The following CNTN5 variants were observed in gnomAD, a reference collection of about 807,000 sequenced individuals.
CNTN5 encodes contactin 5, also known as contactin-5.
CNTN5 carries 77 observed loss-of-function variants against 129.1 expected under a neutral mutation model. The observed-to-expected ratio is 0.60, with a 90% CI of 0.50 to 0.72. CNTN5 has a LOEUF of 0.72. Ranked by LOEUF, CNTN5 falls within the 30% of genes least tolerant of loss-of-function variation. The pLI is 0.00. For missense variants in CNTN5, 1,478 were observed against 1,328.8 expected (o/e 1.11, Z -1.75); for synonymous variants, 509 against 465.6 (o/e 1.09, Z -1.20).
At chr11:99,526,782 T>A (rs1214247060) in intron 2 of CNTN5, among the ~76,000 whole-genome samples, 1 of 152,242 alleles carries the variant, frequency 6.6e-6, no homozygotes, top group East Asian at 1.9e-4. Context: ...TGTGTACATT[T>A]GTTTTCATTT....
intron 1 of CNTN5, among the ~76,000 whole-genome samples, chr11:99,131,197 G>A (rs1858915266): frequency 7.9e-6 from 1 of 126,240 alleles, no homozygotes; most frequent in African/African-American, 3.1e-5. Flanking sequence ...GCAGTGAGCT[G>A]AGATTGCACC....
intron 1 of CNTN5, among the ~76,000 whole-genome samples, chr11:99,097,685 A>G (rs907966914): frequency 4.6e-5 from 7 of 151,904 alleles, no homozygotes; most frequent in African/African-American, 1.7e-4. Context: ...TTAAGCCATT[A>G]TTGATACAAT....
At chr11:99,474,848 TA>T (rs1380387286) in intron 2 of CNTN5, among the ~76,000 whole-genome samples, 1 of 152,162 alleles carries the variant, frequency 6.6e-6, no homozygotes, top group East Asian at 1.9e-4. Flanking sequence ...GTTTCCGGAA[TA>T]AAACAATATT....
At chr11:99,884,313 G>T (rs1948843222) in intron 6 of CNTN5, among the ~76,000 whole-genome samples, 1 of 151,994 alleles carries the variant, frequency 6.6e-6, no homozygotes, top group Non-Finnish European at 1.5e-5. Context: ...TGTAGATACG[G>T]AATATAACAT....
Position 99,843,755 on chromosome 11 carries a change from G to A in CNTN5, c.278-1097G>A, listed in dbSNP as rs188450443. On this transcript the variant is annotated intron_variant, in intron 4 of 24. Coordinates refer to ENST00000524871, the MANE Select transcript of CNTN5 (RefSeq NM_014361.4). ...ATTCTACAATGCACAGGACAGCCCC[G>A]CCTCAACAGAAAGATCTGTCCCAAA... 1.5e-4 allele frequency among the ~76,000 whole-genome samples: 23 copies of A among 152,160 alleles called. 1 individual carries two copies. Among genetic ancestry groups the A allele is most frequent in the Admixed American group, 3.9e-4 (6 of 15,284 alleles).
At chr11:99,625,736 T>C (rs1163252437) in intron 3 of CNTN5, among the ~76,000 whole-genome samples, 1 of 151,450 alleles carries the variant, frequency 6.6e-6, no homozygotes, top group African/African-American at 2.4e-5. Context: ...TCAGGTGAGG[T>C]AATGAAACTA....
At chr11:99,741,511 G>A (rs532909212) in intron 3 of CNTN5, among the ~76,000 whole-genome samples, 50 of 152,208 alleles carry the variant, frequency 3.3e-4, no homozygotes, top group African/African-American at 1.2e-3. Flanking sequence ...AACTTCAAAT[G>A]TAGTTTTCAA....
At chr11:99,343,604 C>A (rs573482113) in intron 2 of CNTN5, among the ~76,000 whole-genome samples, 2 of 152,230 alleles carry the variant, frequency 1.3e-5, no homozygotes, top group South Asian at 4.1e-4. Flanking sequence ...TGTTATACGT[C>A]GATCTCTGTA....
At chr11:99,998,222 T>C in intron 8 of CNTN5, among the ~76,000 whole-genome samples, 1 of 152,044 alleles carries the variant, frequency 6.6e-6, no homozygotes, top group African/African-American at 2.4e-5. Flanking sequence ...ATTGTCCCTG[T>C]TTGCAGACGA....
At chr11:100,284,044 G>A (rs139217154) in intron 18 of CNTN5, among the ~76,000 whole-genome samples, 2,076 of 152,214 alleles carry the variant, frequency 0.014, 15 homozygotes, top group Non-Finnish European at 0.02. Flanking sequence ...ATAACCAAGC[G>A]ACACTGAATT....
chr11:99,841,057 G>C (rs889384799), intron 4 of CNTN5, among the ~76,000 whole-genome samples: 1 of 152,050 alleles, frequency 6.6e-6, no homozygotes, highest in Non-Finnish European at 1.5e-5. Context: ...GATGAAAAAA[G>C]GAAGGGAAGG....
intron 3 of CNTN5, among the ~76,000 whole-genome samples, chr11:99,802,429 A>AG (rs1253050187): frequency 3.9e-5 from 6 of 152,180 alleles, no homozygotes; most frequent in Non-Finnish European, 8.8e-5. Flanking sequence ...ATGGCAGGCA[A>AG]GGGACTGCCA....
At chr11:99,889,069 A>G (rs1212770661) in intron 6 of CNTN5, among the ~76,000 whole-genome samples, 1 of 152,148 alleles carries the variant, frequency 6.6e-6, no homozygotes, top group Admixed American at 6.5e-5. Flanking sequence ...CATCCGTAGA[A>G]TTTTACAAGT....
intron 9 of CNTN5, among the ~76,000 whole-genome samples, chr11:100,038,514 G>C (rs370209902): frequency 1.3e-5 from 2 of 152,130 alleles, no homozygotes; most frequent in East Asian, 1.9e-4. Context: ...TTCAATTGCT[G>C]GGTATCCTTG....
At chr11:99,671,101 G>A (rs188998922) in intron 3 of CNTN5, among the ~76,000 whole-genome samples, 38 of 150,340 alleles carry the variant, frequency 2.5e-4, no homozygotes, top group Middle Eastern at 3.5e-3. Flanking sequence ...TCTCTCGCTC[G>A]CTCGCTCGCT....
At chr11:99,966,656 A>G (rs1951101795) in intron 8 of CNTN5, among the ~76,000 whole-genome samples, 1 of 152,228 alleles carries the variant, frequency 6.6e-6, no homozygotes, top group South Asian at 2.1e-4. Flanking sequence ...GGAGTAAAAC[A>G]TCTGGTCAAG....
intron 21 of CNTN5, chr11:100,309,211 A>T: frequency 3.0e-6 from 3 of 984,846 alleles, no homozygotes; most frequent in Non-Finnish European, 3.6e-6. Flanking sequence ...AGTTGCATTT[A>T]AAAAAATTTA....
At chr11:99,843,552 A>G (rs1194867461) in intron 4 of CNTN5, among the ~76,000 whole-genome samples, 1 of 152,140 alleles carries the variant, frequency 6.6e-6, no homozygotes, top group Non-Finnish European at 1.5e-5. Flanking sequence ...TTTAATACAT[A>G]TATTGGAACT....
rs1222431661 is a variant in CNTN5 at position 99,846,125 on chromosome 11, CAT to C, written c.577+865_577+866del. On this transcript the variant is annotated intron_variant, in intron 6 of 24. Coordinates refer to ENST00000524871, the MANE Select transcript of CNTN5 (RefSeq NM_014361.4). Reference sequence around the variant, plus strand: ...AAGATATTGTATGTGGCTATACGGACATAGACACACACACACACACACACACA... The same window carrying C: ...AAGATATTGTATGTGGCTATACGGACAGACACACACACACACACACACACA... 7.1e-3 allele frequency among the ~76,000 whole-genome samples: 593 copies of C among 83,446 alleles called. 6 individuals carry two copies. The highest frequency in any genetic ancestry group is 0.026 in the African/African-American group (556 of 21,710). The allele number at this position is 83,446 out of a possible 152,430, so 54.7% of individuals were successfully genotyped here.
Sources: gnomAD v4.1 joint callset for allele counts (sites outside exome capture counted in the v4.1 genomes callset) on GRCh38, gnomAD v4.1.1 for gene constraint, MANE v1.5 for transcripts, NCBI Gene and HGNC (gene_info 2026-07-23, HGNC 2026-07-21) for gene names.